Variants in CEP97 observed in about 807,000 individuals in gnomAD.
CEP97 encodes centrosomal protein of 97 kDa.
Under a neutral mutation model 73.1 loss-of-function variants are expected in CEP97, and 43 were observed. The ratio of observed to expected loss-of-function variants is 0.59; its 90% confidence interval spans 0.46 to 0.76. CEP97 has a LOEUF of 0.76. Ranked by LOEUF, CEP97 falls within the 30% of genes least tolerant of loss-of-function variation. The probability of loss-of-function intolerance (pLI) is 0.00; values close to 1 mark genes in which losing one functional copy is unlikely to be tolerated. For synonymous variants in CEP97, 337 were observed against 370.0 expected (o/e 0.91, Z 1.02); for missense variants, 939 against 1,014.0 (o/e 0.93, Z 1.00).
rs1939321941 is a variant in CEP97 at position 101,766,537 on chromosome 3, T to A, written c.*986T>A. 1 of 152,558 alleles carries A rather than the reference T, an allele frequency of 6.6e-6. No homozygotes were observed. Among genetic ancestry groups the A allele is most frequent in the African/African-American group, 2.4e-5 (1 of 41,426 alleles). 9.5% of individuals were successfully genotyped at this position (152,558 alleles called of 1,614,324 possible). ...TACTACTGGTCGAATATGAATGACTTTTTAGGAACTACTTTTTGTCTAACC... is the reference window on the plus strand; with the variant it reads ...TACTACTGGTCGAATATGAATGACTATTTAGGAACTACTTTTTGTCTAACC... On this transcript the variant is annotated 3_prime_UTR_variant, in exon 11 of 11. Coordinates refer to ENST00000341893, the MANE Select transcript of CEP97 (RefSeq NM_024548.4).
rs1404798124 is a variant in CEP97 at position 101,766,546 on chromosome 3, C to A, written c.*995C>A. 2 of 152,360 alleles carry A rather than the reference C, an allele frequency of 1.3e-5. No homozygotes were observed. The highest frequency in any genetic ancestry group is 4.8e-5 in the African/African-American group (2 of 41,342). The allele number at this position is 152,360 out of a possible 1,614,324, so 9.4% of individuals were successfully genotyped here. ...TCGAATATGAATGACTTTTTAGGAA[C>A]TACTTTTTGTCTAACCTGAAAAAGT... On this transcript the variant is annotated 3_prime_UTR_variant, in exon 11 of 11. Transcript: ENST00000341893.
intron 10 of CEP97, among the ~76,000 whole-genome samples, chr3:101,764,349 C>T (rs758707811): frequency 7.2e-5 from 11 of 152,060 alleles, no homozygotes; most frequent in African/African-American, 1.4e-4. Context: ...CGGTGGCTCA[C>T]GCCTGTAATC....
At chr3:101,757,286 A>T (rs909995611) in intron 8 of CEP97, 90 bp downstream of exon 8, 3 of 1,438,750 alleles carry the variant, frequency 2.1e-6, no homozygotes, top group Non-Finnish European at 2.8e-6. Flanking sequence ...TATTTTCATA[A>T]TTTTTTGTTA....
chr3:101,727,319 A>C (rs1937924631), intron 2 of CEP97, 64 bp from the exon 3 acceptor site: 5 of 1,373,870 alleles, frequency 3.6e-6, no homozygotes, highest in Non-Finnish European at 5.0e-6. Context: ...CTTTTAAATC[A>C]CTTTAATGTG....
In CEP97 at chr3:101,765,015, G is replaced by A. The variant is rs946337495; in HGVS notation, c.2062G>A (p.Val688Ile). 1.9e-6 allele frequency: 3 copies of A among 1,614,142 alleles called. No individual in the cohort carries two copies. Among genetic ancestry groups the A allele is most frequent in the East Asian group, 2.2e-5 (1 of 44,872 alleles). ...TGCTGATTGGTTTATTGCTTCTGAT[G>A]TAGCTCCTCAAGAGAAATCATTACC... ...QNADWFIASD[V>I]APQEKSLPEF... Residue 688 changes from valine to isoleucine, a missense_variant, in exon 11 of 11, where the codon GTA (valine) becomes ATA (isoleucine). By Grantham distance (29) the Val-to-Ile change is conservative. Coordinates refer to ENST00000341893, the MANE Select transcript of CEP97 (RefSeq NM_024548.4).
intron 4 of CEP97, among the ~76,000 whole-genome samples, chr3:101,729,789 T>C (rs1445325233): frequency 6.6e-6 from 1 of 151,680 alleles, no homozygotes; most frequent in African/African-American, 2.4e-5. Flanking sequence ...TTTTTTTTTT[T>C]AGATAGAGTT....
intron 10 of CEP97, among the ~76,000 whole-genome samples, chr3:101,762,791 G>A (rs1324164508): frequency 1.3e-5 from 2 of 152,168 alleles, no homozygotes; most frequent in Non-Finnish European, 2.9e-5. Flanking sequence ...ATAGTATAAA[G>A]CAGGAGGAAA....
Position 101,757,083 on chromosome 3 carries a change from T to C in CEP97, c.914T>C (p.Met305Thr). ...SKQRFHQRQL[M>T]NQSQNEELSP... ...TTTAGGTTTCACCAGAGGCAGTTGA[T>C]GAACCAAAGCCAAAATGAAGAGTTG... Residue 305 changes from methionine (M) to threonine (T), a missense_variant, in exon 8 of 11, where the codon ATG (methionine) becomes ACG (threonine). Coordinates refer to ENST00000341893, the MANE Select transcript of CEP97 (RefSeq NM_024548.4). 2 of 1,610,840 alleles carry C rather than the reference T, an allele frequency of 1.2e-6. No individual in the cohort carries two copies. Among genetic ancestry groups the C allele is most frequent in the Non-Finnish European group, 1.7e-6 (2 of 1,179,088 alleles).
Position 101,758,251 on chromosome 3 carries a change from G to C in CEP97, c.1645G>C (p.Gly549Arg). 6.2e-7 allele frequency: 1 copy of C among 1,614,168 alleles called. No homozygotes were observed. The highest frequency in any genetic ancestry group is 8.5e-7 in the Non-Finnish European group (1 of 1,180,036). Residue 549 changes from glycine (G) to arginine (R), a missense_variant, in exon 9 of 11, where the codon GGA (glycine) becomes CGA (arginine). Transcript: ENST00000341893. ...MILTQRSVAL[G>R]QDKVALQKLN... is the part of the protein sequence containing the mutation. The stretch of plus-strand genomic sequence containing the variant: ...TTTAACCCAGAGATCTGTTGCTTTG[G>C]GACAAGACAAAGTTGCCCTTCAGAA...
At chr3:101,725,738 G>A (rs1349202584) in intron 1 of CEP97, among the ~76,000 whole-genome samples, 4 of 152,112 alleles carry the variant, frequency 2.6e-5, no homozygotes, top group Admixed American at 6.6e-5. Flanking sequence ...CCGTTTCTCT[G>A]GCCCCGCCCT....
chr3:101,735,245 TTTAAGGTGA>T (rs1301991685), intron 6 of CEP97, among the ~76,000 whole-genome samples: 1 of 152,214 alleles, frequency 6.6e-6, no homozygotes, highest in African/African-American at 2.4e-5. Context: ...TCCAAGTGAC[TTTAAGGTGA>T]ATTTGAATAT....
intron 6 of CEP97, among the ~76,000 whole-genome samples, chr3:101,748,889 C>A (rs1938709215): frequency 6.6e-6 from 1 of 152,162 alleles, no homozygotes; most frequent in African/African-American, 2.4e-5. Flanking sequence ...ATCCGCCCAC[C>A]TCGGCCTCCC....
intron 6 of CEP97, among the ~76,000 whole-genome samples, chr3:101,741,447 C>T (rs1483337592): frequency 6.6e-6 from 1 of 152,102 alleles, no homozygotes; most frequent in African/African-American, 2.4e-5. Flanking sequence ...AGCTTCTGCA[C>T]AGCAAAAGAA....
intron 6 of CEP97, among the ~76,000 whole-genome samples, chr3:101,753,623 C>T (rs1475915184): frequency 6.6e-6 from 1 of 152,244 alleles, no homozygotes; most frequent in East Asian, 1.9e-4. Flanking sequence ...GCCCCTCCCC[C>T]AGCCTTGCTG....
chr3:101,746,647 G>A (rs2107162389), intron 6 of CEP97, among the ~76,000 whole-genome samples: 1 of 152,026 alleles, frequency 6.6e-6, no homozygotes, highest in South Asian at 2.1e-4. Context: ...AACACCAAAA[G>A]CAATGGCAAC....
intron 6 of CEP97, 74 bp from the exon 7 acceptor site, chr3:101,755,356 A>G (rs1443426895): frequency 7.9e-7 from 1 of 1,268,386 alleles, no homozygotes; most frequent in Non-Finnish European, 1.1e-6. Context: ...TTAACAAGGA[A>G]GATCATTGTT....
Position 101,731,941 on chromosome 3 carries a change from A to C in CEP97, c.549A>C (p.Arg183=), listed in dbSNP as rs1938126208. ...TTTCTTTGGCAGAAAATGAAATCCG[A>C]GACTTAAATGAGGTAAAATTTGAGG... ...AILSLAENEI[R]DLNEISFLAS... is the part of the protein sequence containing the mutation. Residue 183 remains arginine, a synonymous_variant, in exon 5 of 11, where the codon CGA becomes CGC. Transcript: ENST00000341893. 6.3e-7 allele frequency: 1 copy of C among 1,586,864 alleles called. No homozygotes were observed. Among genetic ancestry groups the C allele is most frequent in the African/African-American group, 1.3e-5 (1 of 74,304 alleles).
chr3:101,739,042 C>T (rs1179981224), intron 6 of CEP97, among the ~76,000 whole-genome samples: 1 of 152,078 alleles, frequency 6.6e-6, no homozygotes, highest in African/African-American at 2.4e-5. Flanking sequence ...AGAATAAACA[C>T]CTCTACACAA....
chr3:101,730,485 C>T (rs916341798), intron 4 of CEP97, among the ~76,000 whole-genome samples: 4 of 150,658 alleles, frequency 2.7e-5, no homozygotes, highest in African/African-American at 9.8e-5. Context: ...AGGCTGGTCT[C>T]GAACTCCTGA....
Sources: allele counts gnomAD v4.1 joint callset (sites outside exome capture counted in the v4.1 genomes callset), GRCh38; gene constraint gnomAD v4.1.1; transcripts MANE v1.5; gene names NCBI Gene and HGNC (gene_info 2026-07-23, HGNC 2026-07-21).